Variants in GRK5 observed in about 807,000 individuals in gnomAD.
The protein encoded by GRK5 is g protein-coupled receptor kinase GRK5.
In GRK5, 40 loss-of-function variants were observed where a neutral mutation model predicts 78.4. The observed-to-expected ratio is 0.51, with a 90% confidence interval of 0.40 to 0.66. GRK5 has a LOEUF of 0.66. Among genes scored for constraint, GRK5 ranks in the 30% least tolerant of loss-of-function variants. The probability of loss-of-function intolerance (pLI) is 0.00; values close to 1 mark genes in which losing one functional copy is unlikely to be tolerated. For missense variants in GRK5, 598 were observed against 759.9 expected, an observed-to-expected ratio of 0.79 and a Z score of 2.50; for synonymous variants, 289 against 296.8, an observed-to-expected ratio of 0.97 and a Z score of 0.27.
intron 9 of GRK5, among the ~76,000 whole-genome samples, chr10:119,438,337 C>A (rs1852963531): frequency 6.6e-6 from 1 of 152,190 alleles, no homozygotes; most frequent in Non-Finnish European, 1.5e-5. Context: ...CCAAACCCTT[C>A]AAACTGCGGA....
At chr10:119,381,875 G>T (rs1234946330) in intron 3 of GRK5, among the ~76,000 whole-genome samples, 1 of 152,150 alleles carries the variant, frequency 6.6e-6, no homozygotes, top group Non-Finnish European at 1.5e-5. Context: ...AGGGTTTCAA[G>T]TCTCTGTATC....
chr10:119,448,965 T>C (rs1387218006), intron 13 of GRK5, among the ~76,000 whole-genome samples: 1 of 152,218 alleles, frequency 6.6e-6, no homozygotes, highest in African/African-American at 2.4e-5. Context: ...GGGCCTGCTC[T>C]GTTTAAAGTC....
At chr10:119,301,574 C>T (rs766446256) in intron 1 of GRK5, among the ~76,000 whole-genome samples, 6 of 152,176 alleles carry the variant, frequency 3.9e-5, no homozygotes, top group Non-Finnish European at 5.9e-5. Flanking sequence ...ACGCCCCATC[C>T]GATGGCTGCT....
chr10:119,440,057 C>T (rs1189248349), intron 10 of GRK5, among the ~76,000 whole-genome samples: 1 of 152,188 alleles, frequency 6.6e-6, no homozygotes, highest in African/African-American at 2.4e-5. Flanking sequence ...CTCTACAGTG[C>T]ACTGAACAAG....
rs1193740662 is a variant in GRK5, at chr10:119,459,520, T to A, written c.*4453T>A. The A allele has an allele frequency of 6.6e-6, 1 of 152,198 alleles. No individual in the cohort carries two copies. Among genetic ancestry groups the A allele is most frequent in the Non-Finnish European group, 1.5e-5 (1 of 68,038 alleles). 9.4% of individuals were successfully genotyped at this position (152,198 alleles called of 1,614,324 possible). ...TTAGTGGCTTTTGGTGTTGTTAAAA[T>A]AATAAGAATCCTTCTAGCATCCAAA... On this transcript the variant is annotated 3_prime_UTR_variant, in exon 16 of 16. Transcript: ENST00000392870.
chr10:119,453,009 G>C (rs972326754), intron 14 of GRK5, 136 bp from the exon 15 acceptor site: 1 of 858,232 alleles, frequency 1.2e-6, no homozygotes, highest in Non-Finnish European at 1.9e-6. Context: ...GGGGAGCCTC[G>C]CCCAGCCCCT....
rs1849513935 is a variant in GRK5 at position 119,267,258 on chromosome 10, C to A, written c.53-59258C>A. Among the ~76,000 whole-genome samples the A allele has an allele frequency of 6.6e-6, 1 of 151,812 alleles. No homozygotes were observed. The highest frequency in any genetic ancestry group is 1.5e-5 in the Non-Finnish European group (1 of 67,904). On this transcript the variant is annotated intron_variant, in intron 1 of 15. Coordinates refer to ENST00000392870, the MANE Select transcript of GRK5 (RefSeq NM_005308.3). The surrounding 1 kb of genome is among the most constrained non-coding windows in gnomAD (Gnocchi z 4.1). ...AACTCTGTCTCAAAAAAAAAAAATT[C>A]TTTTTGCAGTGACAGGGTCTGCCTG...
chr10:119,213,967 T>G (rs1369045382), intron 1 of GRK5, among the ~76,000 whole-genome samples: 4 of 35,234 alleles, frequency 1.1e-4, no homozygotes, highest in Non-Finnish European at 2.5e-4. Flanking sequence ...TTTTACATGT[T>G]TTTTTGTTTG....
At chr10:119,438,808 A>G (rs1335208479) in intron 9 of GRK5, among the ~76,000 whole-genome samples, 4 of 152,270 alleles carry the variant, frequency 2.6e-5, no homozygotes, top group Non-Finnish European at 5.9e-5. Context: ...TTAACACATC[A>G]AAAGAATGCC....
intron 6 of GRK5, among the ~76,000 whole-genome samples, chr10:119,425,620 C>T (rs1852663190): frequency 6.6e-6 from 1 of 152,344 alleles, no homozygotes; most frequent in African/African-American, 2.4e-5. Context: ...AACAGCTGCC[C>T]CTGACCTCCA....
At chr10:119,338,007 G>C (rs1428534986) in intron 2 of GRK5, among the ~76,000 whole-genome samples, 1 of 152,194 alleles carries the variant, frequency 6.6e-6, no homozygotes, top group Non-Finnish European at 1.5e-5. Context: ...TATCTCTGTA[G>C]CAACGCTCTT....
rs774005454 is a variant in GRK5 at position 119,452,826 on chromosome 10, C to G, written c.1542+18C>G. The G allele has an allele frequency of 5.5e-6, 4 of 721,454 alleles. No individual in the cohort carries two copies. Among genetic ancestry groups the G allele is most frequent in the African/African-American group, 1.8e-5 (1 of 54,066 alleles). 44.7% of individuals were successfully genotyped at this position (721,454 alleles called of 1,614,324 possible). On this transcript the variant is annotated intron_variant, in intron 14 of 15. Transcript: ENST00000392870. The surrounding 1 kb of genome is among the most constrained non-coding windows in gnomAD (Gnocchi z 4.4). ...AAAACGAGGTGAGCAGGGCAGACCA[C>G]TTGCTTTGGTCTGGGTGGGAGGGAG...
intron 4 of GRK5, among the ~76,000 whole-genome samples, chr10:119,420,696 A>G (rs922335648): frequency 2.1e-4 from 32 of 151,342 alleles, no homozygotes; most frequent in Admixed American, 1.1e-3. Context: ...CTCCCGCCTC[A>G]GCCTCCCAAG....
intron 1 of GRK5, among the ~76,000 whole-genome samples, chr10:119,313,095 G>GTGATGGTAA (rs1466072832): frequency 6.7e-6 from 1 of 148,672 alleles, no homozygotes. Context: ...GGTGATGGTG[G>GTGATGGTAA]TGATGGTAAT....
intron 1 of GRK5, among the ~76,000 whole-genome samples, chr10:119,257,655 T>C (rs368164275): frequency 7.2e-4 from 110 of 152,256 alleles, no homozygotes; most frequent in Middle Eastern, 3.4e-3. Context: ...GCCTGGGAAG[T>C]GGAGGCTACA....
At position 119,456,299 on chromosome 10, in the gene GRK5, G is replaced by C. The variant is rs1853402201; in HGVS notation, c.*1232G>C. 6.6e-6 allele frequency: 1 copy of C among 152,280 alleles called. No homozygotes were observed. Among genetic ancestry groups the C allele is most frequent in the Admixed American group, 6.5e-5 (1 of 15,286 alleles). The allele number at this position is 152,280 out of a possible 1,614,324, so 9.4% of individuals were successfully genotyped here. On this transcript the variant is annotated 3_prime_UTR_variant, in exon 16 of 16. Coordinates refer to ENST00000392870, the MANE Select transcript of GRK5 (RefSeq NM_005308.3). This position sits in a 1 kb window ranked among gnomAD's most constrained non-coding sequence, Gnocchi z 5.5. ...CCAAAGGGCTCAAGACAAAGTCACT[G>C]TTCCTTCCCCAGGAAGGTGGGGCAG... is the stretch of plus-strand genomic sequence containing the variant.
At chr10:119,395,510 T>C (rs746952366) in intron 3 of GRK5, among the ~76,000 whole-genome samples, 9 of 152,186 alleles carry the variant, frequency 5.9e-5, no homozygotes, top group Non-Finnish European at 1.2e-4. Context: ...TCTTTTGAAA[T>C]AGCTGTACTT....
At chr10:119,232,003 A>G (rs1848839010) in intron 1 of GRK5, among the ~76,000 whole-genome samples, 1 of 152,200 alleles carries the variant, frequency 6.6e-6, no homozygotes, top group Non-Finnish European at 1.5e-5. Flanking sequence ...TAAAGGAAAT[A>G]AGTGCATCAA....
chr10:119,383,000 C>G (rs895222316), intron 3 of GRK5, among the ~76,000 whole-genome samples: 2 of 152,126 alleles, frequency 1.3e-5, no homozygotes, highest in Non-Finnish European at 2.9e-5. Flanking sequence ...CAGCAGACTG[C>G]AAGCTCCGCC....
Sources: gnomAD v4.1 joint callset for allele counts (sites outside exome capture counted in the v4.1 genomes callset) on GRCh38, gnomAD v4.1.1 for gene constraint, Gnocchi (gnomAD v3.1) non-coding constraint, MANE v1.5 for transcripts, NCBI Gene and HGNC (gene_info 2026-07-23, HGNC 2026-07-21) for gene names.